Variants in RIMS1 observed in about 807,000 individuals in gnomAD.
RIMS1 encodes regulating synaptic membrane exocytosis protein 1.
RIMS1 carries 83 observed loss-of-function variants against 214.1 expected under a neutral mutation model. The observed-to-expected ratio is 0.39, with a 90% CI of 0.32 to 0.47. RIMS1 has a LOEUF of 0.47. RIMS1 is among the 20% of genes least tolerant of loss of function. The pLI is 0.99. For synonymous variants in RIMS1, 793 were observed against 786.8 expected, an observed-to-expected ratio of 1.01 and a Z score of -0.13; for missense variants, 2,050 against 2,161.8, an observed-to-expected ratio of 0.95 and a Z score of 1.03.
chr6:72,356,656 A>G (rs2097655774), intron 29 of RIMS1, among the ~76,000 whole-genome samples: 1 of 152,072 alleles, frequency 6.6e-6, no homozygotes, highest in Non-Finnish European at 1.5e-5. Flanking sequence ...GCTACTCAGG[A>G]GGCTGAGGCA....
chr6:72,186,032 A>G (rs1000552562), intron 6 of RIMS1, among the ~76,000 whole-genome samples: 1 of 152,242 alleles, frequency 6.6e-6, no homozygotes, highest in Non-Finnish European at 1.5e-5. Flanking sequence ...TTATTGTGAG[A>G]ATAGAGTATA....
chr6:72,321,875 G>C (rs886194018), intron 28 of RIMS1, among the ~76,000 whole-genome samples: 2 of 151,956 alleles, frequency 1.3e-5, no homozygotes, highest in Non-Finnish European at 2.9e-5. Flanking sequence ...AGTCATCAAG[G>C]CCTACTCATT....
intron 28 of RIMS1, among the ~76,000 whole-genome samples, chr6:72,322,688 G>T (rs2096237854): frequency 6.6e-6 from 1 of 152,034 alleles, no homozygotes; most frequent in South Asian, 2.1e-4. Context: ...TTGAAAGGAG[G>T]GGAAAACACA....
chr6:72,182,419 C>G lies in RIMS1; in HGVS notation c.948C>G (p.Ser316Arg), dbSNP rs755535927. The change falls in exon 6 of 34, where the codon AGC becomes AGG. Residue 316 changes from serine to arginine, a missense_variant. Physicochemically the swap from Ser to Arg is moderately radical, Grantham distance 110. Around this residue, in one of 6 missense-constraint regions of RIMS1, gnomAD observed 882 missense variants for 828.9 expected, o/e 1.06. Transcript: ENST00000521978. ...EERERKERRE[S>R]RRLEKGRSQD... ...GGGAGCGCAAAGAAAGGCGGGAAAGCCGAAGGCTTGAGAAAGGGCGATCAC... is the reference window on the plus strand; with the variant it reads ...GGGAGCGCAAAGAAAGGCGGGAAAGGCGAAGGCTTGAGAAAGGGCGATCAC... 2.5e-6 allele frequency: 4 copies of G among 1,613,894 alleles called. No individual in the cohort carries two copies. The Admixed American group carries it at 6.7e-5, about 27-fold the overall frequency.
chr6:72,112,618 T>C (rs2036323411), intron 4 of RIMS1, among the ~76,000 whole-genome samples: 1 of 152,096 alleles, frequency 6.6e-6, no homozygotes. Context: ...AACTCTCTTT[T>C]CCTGGAACAT....
intron 6 of RIMS1, among the ~76,000 whole-genome samples, chr6:72,196,383 C>CTGTT (rs1265366879): frequency 3.3e-5 from 2 of 61,228 alleles, no homozygotes; most frequent in Non-Finnish European, 3.5e-5. Context: ...GTCTGTCTAT[C>CTGTT]TATCTATCTA....
chr6:72,260,369 T>G (rs963906672), intron 18 of RIMS1, among the ~76,000 whole-genome samples: 1 of 152,112 alleles, frequency 6.6e-6, no homozygotes, highest in East Asian at 1.9e-4. Flanking sequence ...GCCAAATTTA[T>G]AGTATTAAAA....
intron 2 of RIMS1, among the ~76,000 whole-genome samples, chr6:72,026,267 C>A (rs373308770): frequency 6.6e-6 from 1 of 152,146 alleles, no homozygotes; most frequent in Admixed American, 6.5e-5. Context: ...GATGTTGAAT[C>A]TGATGGCTCT....
intron 2 of RIMS1, among the ~76,000 whole-genome samples, chr6:72,095,566 C>T (rs1273470933): frequency 1.3e-5 from 2 of 152,112 alleles, no homozygotes; most frequent in African/African-American, 4.8e-5. Context: ...TGGATGTTTG[C>T]TTTAATTATT....
chr6:72,113,283 T>C (rs566115526), intron 4 of RIMS1, among the ~76,000 whole-genome samples: 28 of 152,270 alleles, frequency 1.8e-4, no homozygotes, highest in African/African-American at 6.5e-4. Flanking sequence ...TTGACCATTG[T>C]TTTACTAGGC....
chr6:72,149,632 G>GA (rs1191673088), intron 4 of RIMS1, among the ~76,000 whole-genome samples: 1 of 152,142 alleles, frequency 6.6e-6, no homozygotes, highest in East Asian at 1.9e-4. Flanking sequence ...TCTGCCTTCA[G>GA]AAAAAAGTCT....
At chr6:71,914,021 T>C (rs1268215130) in intron 1 of RIMS1, among the ~76,000 whole-genome samples, 1 of 152,160 alleles carries the variant, frequency 6.6e-6, no homozygotes, top group East Asian at 1.9e-4. Context: ...TGTACTCCAC[T>C]CTTTACTGCC....
chr6:71,887,315 G>T (rs1768035570), intron 1 of RIMS1, 128 bp downstream of exon 1: 8 of 1,236,382 alleles, frequency 6.5e-6, no homozygotes, highest in South Asian at 5.7e-5. Context: ...GGACGGAGGC[G>T]CCCGCCTTGG....
At chr6:71,934,925 T>A (rs4260731) in intron 1 of RIMS1, among the ~76,000 whole-genome samples, 1,951 of 152,316 alleles carry the variant, frequency 0.013, 52 homozygotes, top group African/African-American at 0.044. Context: ...TGTGCATGTA[T>A]GTTCACCTGT....
At chr6:71,927,129 A>T (rs571877473) in intron 1 of RIMS1, among the ~76,000 whole-genome samples, 1 of 152,328 alleles carries the variant, frequency 6.6e-6, no homozygotes, top group East Asian at 1.9e-4. Flanking sequence ...GGCAATTAAT[A>T]ATTTATCCAC....
chr6:72,097,208 A>G (rs375114650), intron 3 of RIMS1, 46 bp downstream of exon 3: 1 of 1,521,642 alleles, frequency 6.6e-7, no homozygotes, highest in African/African-American at 1.4e-5. Flanking sequence ...GTGGATAAAA[A>G]CTATTACGCC....
chr6:72,192,365 G>A (rs962298549), intron 6 of RIMS1, among the ~76,000 whole-genome samples: 20 of 152,188 alleles, frequency 1.3e-4, no homozygotes, highest in African/African-American at 4.1e-4. Context: ...GGAAGGATAG[G>A]AGAAAGAGTA....
rs527246601 is a variant in RIMS1 at position 72,219,677 on chromosome 6, T to G, written c.1679-14096T>G. On this transcript the variant is annotated intron_variant, in intron 6 of 33. Transcript: ENST00000521978. ...CTTATAAATAGCTTTGAGGGTTTTT[T>G]TTTGTTTGTTTTTGTTACAAGAGGC... 2.6e-3 allele frequency among the ~76,000 whole-genome samples: 399 copies of G among 151,636 alleles called. 1 individual carries two copies. Among genetic ancestry groups the G allele is most frequent in the Middle Eastern group, 6.8e-3 (2 of 292 alleles).
intron 4 of RIMS1, among the ~76,000 whole-genome samples, chr6:72,137,346 C>A (rs1587871957): frequency 6.6e-6 from 1 of 151,986 alleles, no homozygotes; most frequent in East Asian, 1.9e-4. Flanking sequence ...TCACATAGCA[C>A]CAATAATAAA....
Sources: gnomAD v4.1 joint callset for allele counts (sites outside exome capture counted in the v4.1 genomes callset) on GRCh38, gnomAD v4.1.1 for gene constraint, gnomAD v4.1.1 regional missense constraint, MANE v1.5 for transcripts, NCBI Gene and HGNC (gene_info 2026-07-23, HGNC 2026-07-21) for gene names.